Variants in COL11A1 observed in about 807,000 individuals in gnomAD.
COL11A1 encodes the protein collagen alpha-1(XI) chain.
In COL11A1, 74 loss-of-function variants were observed where a neutral mutation model predicts 265.2. The ratio of observed to expected loss-of-function variants is 0.28; its 90% confidence interval spans 0.23 to 0.34. The LOEUF (loss-of-function observed/expected upper bound fraction) is 0.34. COL11A1 is among the 10% of genes least tolerant of loss of function. The pLI is 1.00. For missense variants in COL11A1, 2,165 were observed against 2,263.6 expected (o/e 0.96, Z 0.88); for synonymous variants, 816 against 727.6 (o/e 1.12, Z -1.96).
At chr1:102,883,437 A>C (rs1476905664) in intron 63 of COL11A1, 126 bp from the exon 64 acceptor site, 3 of 704,732 alleles carry the variant, frequency 4.3e-6, no homozygotes, top group Non-Finnish European at 5.1e-6. Flanking sequence ...TTGCCTTTTA[A>C]GCTTTTGGGC....
At position 102,920,235 on chromosome 1, in the gene COL11A1, C is replaced by G. The variant is rs142849188; in HGVS notation, c.3762+76G>C. 0.021 allele frequency: 26,321 copies of G among 1,266,100 alleles called. 355 individuals carry two copies. Among genetic ancestry groups the G allele is most frequent in the Middle Eastern group, 0.036 (194 of 5,402 alleles). 78.4% of individuals were successfully genotyped at this position (1,266,100 alleles called of 1,614,324 possible). On this transcript the variant is annotated intron_variant, in intron 49 of 66. Transcript: ENST00000370096. ...GGCTTAGAAACACACATACTAGAAG[C>G]ACTTAAACTACTACCCAATATTATT... is the stretch of plus-strand genomic sequence containing the variant.
At chr1:103,050,717 C>T (rs1669744493) in intron 4 of COL11A1, among the ~76,000 whole-genome samples, 1 of 152,018 alleles carries the variant, frequency 6.6e-6, no homozygotes, top group African/African-American at 2.4e-5. Flanking sequence ...CTGTTTTTTC[C>T]CCATCTTTGT....
intron 54 of COL11A1, among the ~76,000 whole-genome samples, chr1:102,905,486 C>T (rs552471244): frequency 6.7e-6 from 1 of 148,172 alleles, no homozygotes; most frequent in East Asian, 2.0e-4. Flanking sequence ...TTTATTTGTA[C>T]CCTGAGTTGC....
intron 66 of COL11A1, 137 bp from the exon 67 acceptor site, chr1:102,878,302 T>G (rs1649753505): frequency 7.2e-6 from 5 of 698,984 alleles, no homozygotes; most frequent in Non-Finnish European, 9.2e-6. Context: ...CTATTATCTA[T>G]GTAATAATTC....
At chr1:102,969,971 C>T (rs1400900459) in intron 37 of COL11A1, among the ~76,000 whole-genome samples, 1 of 152,004 alleles carries the variant, frequency 6.6e-6, no homozygotes, top group East Asian at 1.9e-4. Flanking sequence ...TCAGCTCATC[C>T]TTAAAATGCT....
intron 4 of COL11A1, among the ~76,000 whole-genome samples, chr1:103,052,270 A>C (rs1043380615): frequency 6.6e-6 from 1 of 152,104 alleles, no homozygotes; most frequent in Admixed American, 6.6e-5. Flanking sequence ...TCTAAAAAAA[A>C]CCTTAATGTT....
intron 4 of COL11A1, among the ~76,000 whole-genome samples, chr1:103,049,792 C>G (rs112520856): frequency 0.041 from 6,253 of 152,158 alleles, 222 homozygotes; most frequent in African/African-American, 0.092. Flanking sequence ...TAGGGTAGGC[C>G]TGGTGGTGAC....
At chr1:103,034,135 T>C (rs1216467633) in intron 4 of COL11A1, among the ~76,000 whole-genome samples, 2 of 152,116 alleles carry the variant, frequency 1.3e-5, no homozygotes, top group Non-Finnish European at 2.9e-5. Context: ...GAAGATTCTC[T>C]CATAGTCTTT....
chr1:102,887,530 A>G (rs567937658), intron 62 of COL11A1, among the ~76,000 whole-genome samples: 1 of 152,278 alleles, frequency 6.6e-6, no homozygotes, highest in East Asian at 1.9e-4. Context: ...GTTTGCTTCA[A>G]ATATGTGTGA....
rs113311128 is a variant in COL11A1 at position 103,095,845 on chromosome 1, C to T, written c.106+12228G>A. Among the ~76,000 whole-genome samples the T allele has an allele frequency of 3.2e-3, 490 of 151,772 alleles. 5 individuals are homozygous for T. Among genetic ancestry groups the T allele is most frequent in the African/African-American group, 0.012 (477 of 41,446 alleles). On this transcript the variant is annotated intron_variant, in intron 1 of 66. Transcript: ENST00000370096. ...GTTCCCTGTAAAGTTATTTTAAACT[C>T]TGTATTATATAAAAGCCAAAATCTT...
chr1:102,905,081 G>T (rs1353882965), intron 54 of COL11A1, among the ~76,000 whole-genome samples: 1 of 151,676 alleles, frequency 6.6e-6, no homozygotes, highest in Non-Finnish European at 1.5e-5. Flanking sequence ...TAGGGACATG[G>T]ATGAAACTGG....
chr1:102,915,816 T>C lies in COL11A1; in HGVS notation c.3763-132A>G, dbSNP rs1655268551. On this transcript the variant is annotated intron_variant, in intron 49 of 66. Coordinates refer to ENST00000370096, the MANE Select transcript of COL11A1 (RefSeq NM_001854.4). ...TTATTTAAAAGGCATTGAAAAACTT[T>C]AATAACAAAAATAAATTTTTCTATC... 21 of 726,938 alleles carry C rather than the reference T, an allele frequency of 2.9e-5. No individual in the cohort carries two copies. In the South Asian group the frequency reaches 4.3e-4, roughly 15 times the overall value. 45.0% of individuals were successfully genotyped at this position (726,938 alleles called of 1,614,324 possible).
rs372992367 is a variant in COL11A1 at position 103,012,388 on chromosome 1, T to C, written c.1629+25A>G. 1.9e-6 allele frequency: 3 copies of C among 1,597,348 alleles called. No homozygotes were observed. In the African/African-American group the frequency reaches 4.0e-5, roughly 21 times the overall value. The stretch of plus-strand genomic sequence containing the variant: ...CTGCTAATTTGAAAATTTTAACATA[T>C]ATTATCTTTGTTGGGGTAACCTACC... On this transcript the variant is annotated intron_variant, in intron 14 of 66. Coordinates refer to ENST00000370096, the MANE Select transcript of COL11A1 (RefSeq NM_001854.4).
chr1:102,912,774 G>A (rs1262240913), intron 53 of COL11A1, among the ~76,000 whole-genome samples: 5 of 152,108 alleles, frequency 3.3e-5, no homozygotes, highest in Non-Finnish European at 7.4e-5. Flanking sequence ...CTGTTCTTGT[G>A]ATAGTGAGTG....
Position 102,915,695 on chromosome 1 carries a change from A to G in COL11A1, c.3763-11T>C. The G allele has an allele frequency of 1.2e-6, 2 of 1,601,038 alleles. No individual in the cohort carries two copies. Among genetic ancestry groups the G allele is most frequent in the South Asian group, 1.1e-5 (1 of 90,632 alleles). On this transcript the variant is annotated splice_polypyrimidine_tract_variant and intron_variant, in intron 49 of 66. Transcript: ENST00000370096. ...TTCTCCAGGTTCACCCTATATAGAG[A>G]AGATCAAATTAGTATTAGAATACAG...
chr1:102,904,020 C>T (rs983803849), intron 54 of COL11A1, among the ~76,000 whole-genome samples: 3 of 152,036 alleles, frequency 2.0e-5, no homozygotes, highest in Non-Finnish European at 4.4e-5. Flanking sequence ...TGTCATCATA[C>T]CTGACTAATT....
chr1:103,068,098 G>A (rs1300277997), intron 4 of COL11A1, among the ~76,000 whole-genome samples: 2 of 151,534 alleles, frequency 1.3e-5, no homozygotes, highest in Non-Finnish European at 3.0e-5. Context: ...AGTTTATGAA[G>A]CCAGTATAAC....
intron 46 of COL11A1, among the ~76,000 whole-genome samples, chr1:102,924,274 T>C (rs1656326411): frequency 6.6e-6 from 1 of 152,140 alleles, no homozygotes; most frequent in Admixed American, 6.5e-5. Context: ...AATTGCACTG[T>C]AACTGATATT....
intron 39 of COL11A1, 77 bp downstream of exon 39, chr1:102,962,576 C>T: frequency 1.6e-6 from 2 of 1,233,712 alleles, no homozygotes; most frequent in Non-Finnish European, 2.4e-6. Context: ...TAAATGGAAT[C>T]TGTAGACAAG....
Sources: allele counts gnomAD v4.1 joint callset (sites outside exome capture counted in the v4.1 genomes callset), GRCh38; gene constraint gnomAD v4.1.1; transcripts MANE v1.5; gene names NCBI Gene and HGNC (gene_info 2026-07-23, HGNC 2026-07-21).